The following POTEF variants were observed in gnomAD, a reference collection of about 807,000 sequenced individuals.
The protein encoded by POTEF is ANKRD26-like family C member 1B.
Under a neutral mutation model 83.2 loss-of-function variants are expected in POTEF, and 20 were observed. The ratio of observed to expected loss-of-function variants is 0.24; its 90% confidence interval spans 0.17 to 0.35. POTEF has a LOEUF of 0.35. POTEF is among the 10% of genes least tolerant of loss of function. The pLI is 1.00. For missense variants in POTEF, 550 were observed against 1,203.2 expected (o/e 0.46, Z 8.03); for synonymous variants, 196 against 446.4 (o/e 0.44, Z 7.07).
rs563450009 is a variant in POTEF at position 130,113,772 on chromosome 2, T to C, written c.810+1109A>G. Reference sequence around the variant, plus strand: ...TATTTAAACATTTTCCTCAGGTTACTAGGATGCACAATTCTAGCTGAAAGC... The same window carrying C: ...TATTTAAACATTTTCCTCAGGTTACCAGGATGCACAATTCTAGCTGAAAGC... On this transcript the variant is annotated intron_variant, in intron 5 of 16. Transcript: ENST00000409914. Among the ~76,000 whole-genome samples the C allele has an allele frequency of 3.3e-5, 5 of 151,426 alleles. No homozygotes were observed. The East Asian group carries it at 7.8e-4, about 24-fold the overall frequency.
intron 2 of POTEF, among the ~76,000 whole-genome samples, chr2:130,122,104 A>C (rs1685014364): frequency 2.0e-5 from 3 of 148,112 alleles, no homozygotes. Flanking sequence ...TACTACTTTC[A>C]TTTATCATGT....
chr2:130,108,720 G>C (rs1328721603), intron 7 of POTEF, among the ~76,000 whole-genome samples: 5 of 149,074 alleles, frequency 3.4e-5, no homozygotes, highest in Non-Finnish European at 7.4e-5. Flanking sequence ...CTATGTCATA[G>C]TTTATAACTA....
intron 12 of POTEF, among the ~76,000 whole-genome samples, chr2:130,090,756 A>G (rs1397534590): frequency 7.2e-6 from 1 of 138,090 alleles, no homozygotes; most frequent in East Asian, 2.1e-4. Flanking sequence ...GAAGGCCAAC[A>G]TAGTAAAATG....
chr2:130,123,320 T>A (rs964905877), intron 2 of POTEF, among the ~76,000 whole-genome samples: 2 of 151,158 alleles, frequency 1.3e-5, no homozygotes, highest in Admixed American at 1.3e-4. Context: ...ATTCCTACAT[T>A]ATCATTGGGT....
chr2:130,107,698 G>C lies in POTEF; in HGVS notation c.1126+311C>G, dbSNP rs59330002. The C allele has an allele frequency of 1.2e-3, 451 of 363,328 alleles. 8 individuals carry two copies. The highest frequency in any genetic ancestry group is 8.6e-3 in the East Asian group (134 of 15,592). 22.5% of individuals were successfully genotyped at this position (363,328 alleles called of 1,614,324 possible). ...CTGAGGGATCTAGGTTGTGTGCTTC[G>C]TATGAGAATCTAATGCCTGATGATC... On this transcript the variant is annotated intron_variant, in intron 8 of 16. Transcript: ENST00000409914.
In POTEF at chr2:130,075,163, G is replaced by A. The variant is rs201926426; in HGVS notation, c.2309C>T (p.Pro770Leu). The change falls in exon 17 of 17, where the codon CCC becomes CTC. Residue 770 changes from proline (P) to leucine (L), a missense_variant. Physicochemically the swap from Pro to Leu is moderately conservative, Grantham distance 98 (BLOSUM62 -3). Coordinates refer to ENST00000409914, the MANE Select transcript of POTEF (RefSeq NM_001099771.2). ...SKRGILTLKY[P>L]MEHGIITNWD... ...GTTGGTGATGATGCCGTGTTCCATG[G>A]GGTACTTCAGGGTCAGGATGCCTCT... 10 of 1,613,250 alleles carry A rather than the reference G, an allele frequency of 6.2e-6. No individual in the cohort carries two copies. In the South Asian group the frequency reaches 1.1e-4, roughly 18 times the overall value.
chr2:130,078,227 T>C (rs1379788406), intron 15 of POTEF, among the ~76,000 whole-genome samples: 1 of 88,442 alleles, frequency 1.1e-5, no homozygotes, highest in African/African-American at 4.4e-5. Flanking sequence ...ACTCCTAGAT[T>C]TGATACATGA....
chr2:130,122,033 G>C (rs1179825154), intron 2 of POTEF, among the ~76,000 whole-genome samples: 4 of 151,674 alleles, frequency 2.6e-5, no homozygotes, highest in Non-Finnish European at 5.9e-5. Flanking sequence ...ATTCTGGAAG[G>C]ATTTGCCTAT....
intron 3 of POTEF, among the ~76,000 whole-genome samples, chr2:130,118,066 A>G (rs569675151): frequency 9.9e-5 from 15 of 150,928 alleles, no homozygotes; most frequent in South Asian, 2.1e-4. Flanking sequence ...TCAGCCTTCT[A>G]AGTAGCTGGG....
intron 8 of POTEF, among the ~76,000 whole-genome samples, chr2:130,102,844 T>G (rs1424703975): frequency 6.6e-6 from 1 of 151,652 alleles, no homozygotes; most frequent in African/African-American, 2.4e-5. Flanking sequence ...TCTGTAAGCT[T>G]GCCTACATAA....
In POTEF at chr2:130,100,802, A is replaced by T. The variant is rs1684348932; in HGVS notation, c.1198-82T>A. ...CTTTTGGAGCGCATGTTTTAAAAAA[A>T]TTTTATTCTTAACTAATCAAGTATG... On this transcript the variant is annotated intron_variant, in intron 9 of 16. Transcript: ENST00000409914. 12 of 1,547,280 alleles carry T rather than the reference A, an allele frequency of 7.8e-6. No individual in the cohort carries two copies. The Middle Eastern group carries it at 1.7e-3, about 217-fold the overall frequency.
At chr2:130,083,153 TG>T (rs1222679014) in intron 15 of POTEF, among the ~76,000 whole-genome samples, 5 of 128,000 alleles carry the variant, frequency 3.9e-5, no homozygotes, top group Non-Finnish European at 6.4e-5. Context: ...CTGGCCAACA[TG>T]GGGAAACCTG....
chr2:130,111,450 AAAC>A (rs1305748167), intron 6 of POTEF, among the ~76,000 whole-genome samples: 1 of 152,082 alleles, frequency 6.6e-6, no homozygotes, highest in Non-Finnish European at 1.5e-5. Flanking sequence ...TACACTGGAA[AAAC>A]AAAAGGAAAA....
intron 2 of POTEF, among the ~76,000 whole-genome samples, chr2:130,123,255 TTGAACTG>T: frequency 6.8e-6 from 1 of 147,070 alleles, no homozygotes; most frequent in Non-Finnish European, 1.5e-5. Flanking sequence ...GTCAATGACT[TTGAACTG>T]TGGTCTCTCG....
At chr2:130,109,524 G>A (rs565332876) in intron 7 of POTEF, 1 of 150,818 alleles carries the variant, frequency 6.6e-6, no homozygotes, top group East Asian at 1.9e-4. Flanking sequence ...GCCAACCACA[G>A]CTGGGAGCCA....
At chr2:130,108,326 G>C (rs544646158) in intron 7 of POTEF, among the ~76,000 whole-genome samples, 1 of 151,524 alleles carries the variant, frequency 6.6e-6, no homozygotes, top group African/African-American at 2.5e-5. Flanking sequence ...GCTAGCATTA[G>C]CATGACATAA....
chr2:130,121,297 G>A (rs1473342803), intron 2 of POTEF, among the ~76,000 whole-genome samples: 2 of 149,358 alleles, frequency 1.3e-5, no homozygotes. Flanking sequence ...CCACTGAGAA[G>A]CCTCTGGTGA....
intron 9 of POTEF, 120 bp downstream of exon 9, chr2:130,101,990 T>TA (rs1362025933): frequency 1.6e-5 from 7 of 443,888 alleles, no homozygotes; most frequent in South Asian, 7.1e-5. Context: ...AAAAATTCTT[T>TA]AAAAAATCTA....
chr2:130,121,333 A>G (rs1684999570), intron 2 of POTEF, among the ~76,000 whole-genome samples: 1 of 147,538 alleles, frequency 6.8e-6, no homozygotes, highest in Admixed American at 6.7e-5. Context: ...TTAAAGGAGG[A>G]CTGGGGCTAA....
Sources: allele counts gnomAD v4.1 joint callset (sites outside exome capture counted in the v4.1 genomes callset), GRCh38; gene constraint gnomAD v4.1.1; transcripts MANE v1.5; gene names NCBI Gene and HGNC (gene_info 2026-07-23, HGNC 2026-07-21).